Variants in FARP1 observed in about 807,000 individuals in gnomAD.
The protein encoded by FARP1 is FERM, ARHGEF and pleckstrin domain-containing protein 1.
FARP1 carries 52 observed loss-of-function variants against 128.8 expected under a neutral mutation model. The observed-to-expected ratio is 0.40, with a 90% confidence interval of 0.32 to 0.51. The LOEUF is 0.51. Among genes scored for constraint, FARP1 ranks in the 20% least tolerant of loss-of-function variants. FARP1 has a pLI of 0.45. For synonymous variants in FARP1, 580 were observed against 551.8 expected, an observed-to-expected ratio of 1.05 and a Z score of -0.72; for missense variants, 1,333 against 1,367.9, an observed-to-expected ratio of 0.97 and a Z score of 0.40.
intron 6 of FARP1, among the ~76,000 whole-genome samples, chr13:98,379,679 T>A (rs1224455394): frequency 1.3e-5 from 2 of 152,222 alleles, no homozygotes; most frequent in African/African-American, 4.8e-5. Context: ...GCATATAACC[T>A]ACATATATCC....
intron 2 of FARP1, among the ~76,000 whole-genome samples, chr13:98,285,728 C>A (rs145353315): frequency 7.2e-5 from 11 of 152,318 alleles, no homozygotes; most frequent in African/African-American, 2.6e-4. Context: ...CAACTGCTTC[C>A]GCTGTTATTA....
rs199918481 is a variant in FARP1 at position 98,217,239 on chromosome 13, TTTA to T, written c.171+3829_171+3831del. ...GACACAGCCATTTTTATTTTTTATT[TTTA>T]TTTTTATTTTTTGCTTCTTTTGAGC... On this transcript the variant is annotated intron_variant, in intron 2 of 26. Coordinates refer to ENST00000319562, the MANE Select transcript of FARP1 (RefSeq NM_005766.4). 6.6e-3 allele frequency among the ~76,000 whole-genome samples: 1,004 copies of T among 152,296 alleles called. 3 individuals are homozygous for T. The highest frequency in any genetic ancestry group is 0.023 in the African/African-American group (940 of 41,542).
intron 2 of FARP1, among the ~76,000 whole-genome samples, chr13:98,334,750 T>C (rs1887671432): frequency 6.6e-6 from 1 of 152,070 alleles, no homozygotes; most frequent in Admixed American, 6.5e-5. Context: ...CTAGTGACCT[T>C]AGGAGAAGAG....
At position 98,369,485 on chromosome 13, in the gene FARP1, A is replaced by G. The variant is rs541506607; in HGVS notation, c.398+1290A>G. 2.6e-5 allele frequency among the ~76,000 whole-genome samples: 4 copies of G among 151,402 alleles called. No homozygotes were observed. The East Asian group carries it at 7.8e-4, about 29-fold the overall frequency. On this transcript the variant is annotated intron_variant, in intron 5 of 26. Coordinates refer to ENST00000319562, the MANE Select transcript of FARP1 (RefSeq NM_005766.4). ...ACCCATTAACTCCTCATTTAGCATTAGGTATATCTCCTAATGCTATCCCTC... is the reference window on the plus strand; with the variant it reads ...ACCCATTAACTCCTCATTTAGCATTGGGTATATCTCCTAATGCTATCCCTC...
chr13:98,270,798 C>A (rs1884353158), intron 2 of FARP1, among the ~76,000 whole-genome samples: 1 of 152,160 alleles, frequency 6.6e-6, no homozygotes, highest in African/African-American at 2.4e-5. Flanking sequence ...GCATGTATAT[C>A]TTTTAATTTT....
chr13:98,200,013 G>A (rs1200016536), intron 1 of FARP1, among the ~76,000 whole-genome samples: 2 of 152,032 alleles, frequency 1.3e-5, no homozygotes, highest in Non-Finnish European at 2.9e-5. Context: ...ACACATTTTT[G>A]TCTTTGCATA....
At chr13:98,166,099 T>C (rs1877249138) in intron 1 of FARP1, among the ~76,000 whole-genome samples, 2 of 152,188 alleles carry the variant, frequency 1.3e-5, no homozygotes. Flanking sequence ...CTCTTCAGTT[T>C]AATACACTCC....
intron 5 of FARP1, among the ~76,000 whole-genome samples, chr13:98,374,426 A>T (rs1020004691): frequency 3.3e-5 from 5 of 152,172 alleles, no homozygotes; most frequent in African/African-American, 1.2e-4. Flanking sequence ...CTCTGTCTCA[A>T]TCAGTCAATT....
In FARP1 at chr13:98,393,736, C is replaced by G. The variant is rs368649328; in HGVS notation, c.1164+18C>G. 3.1e-6 allele frequency: 5 copies of G among 1,596,604 alleles called. No homozygotes were observed. The African/African-American group carries it at 6.7e-5, about 21-fold the overall frequency. ...TGGAGCAGGTCAGTGATGGCGCTGT[C>G]CTATGATAACTCTGCTTTTCCCCAC... On this transcript the variant is annotated intron_variant, in intron 12 of 26. Coordinates refer to ENST00000319562, the MANE Select transcript of FARP1 (RefSeq NM_005766.4).
At position 98,349,203 on chromosome 13, in the gene FARP1, G is replaced by T. The variant is rs148663641; in HGVS notation, c.276+5337G>T. ...TTCCTTGATTTTGCACTTCATCTGA[G>T]AAATGAGAGGAATAAATGACCATTT... On this transcript the variant is annotated intron_variant, in intron 3 of 26. Transcript: ENST00000319562. 1.8e-3 allele frequency among the ~76,000 whole-genome samples: 268 copies of T among 152,298 alleles called. 2 individuals carry two copies. The highest frequency in any genetic ancestry group is 6.1e-3 in the African/African-American group (252 of 41,558).
At chr13:98,385,334 A>G (rs377103126) in intron 7 of FARP1, among the ~76,000 whole-genome samples, 8 of 152,322 alleles carry the variant, frequency 5.3e-5, no homozygotes, top group African/African-American at 1.9e-4. Flanking sequence ...AGGTTATTGA[A>G]AGCAACTAAA....
At chr13:98,177,857 A>C (rs1878207805) in intron 1 of FARP1, 1 of 152,208 alleles carries the variant, frequency 6.6e-6, no homozygotes, top group Admixed American at 6.5e-5. Flanking sequence ...ATCCTAAAAC[A>C]CAGGCGCTTG....
chr13:98,227,313 G>C (rs1881853167), intron 2 of FARP1, among the ~76,000 whole-genome samples: 1 of 152,002 alleles, frequency 6.6e-6, no homozygotes. Context: ...AGTCCACGTT[G>C]AAAAAATGTC....
At chr13:98,278,991 A>ATTTTTTTTTTTTTTT (rs1159451553) in intron 2 of FARP1, among the ~76,000 whole-genome samples, 5 of 132,080 alleles carry the variant, frequency 3.8e-5, no homozygotes, top group African/African-American at 9.9e-5. Context: ...ACGCCCTGCT[A>ATTTTTTTTTTTTTTT]ATTTTTTTTT....
chr13:98,243,629 G>A (rs1204349180), intron 2 of FARP1, among the ~76,000 whole-genome samples: 4 of 150,414 alleles, frequency 2.7e-5, no homozygotes, highest in Non-Finnish European at 4.4e-5. Flanking sequence ...CCCAGGAGGC[G>A]GAGGTTGCAG....
chr13:98,158,358 C>G (rs1219267754), intron 1 of FARP1, among the ~76,000 whole-genome samples: 2 of 152,218 alleles, frequency 1.3e-5, no homozygotes, highest in African/African-American at 4.8e-5. Context: ...AAATCTGTCC[C>G]TACTCTACTA....
At chr13:98,314,988 G>A (rs1461157605) in intron 2 of FARP1, among the ~76,000 whole-genome samples, 1 of 152,226 alleles carries the variant, frequency 6.6e-6, no homozygotes, top group Non-Finnish European at 1.5e-5. Flanking sequence ...GTGGGCGAGA[G>A]AGAAGCTAAA....
At chr13:98,174,683 C>A (rs544641353) in intron 1 of FARP1, among the ~76,000 whole-genome samples, 173 of 152,154 alleles carry the variant, frequency 1.1e-3, no homozygotes, top group Non-Finnish European at 2.0e-3. Context: ...CTTGAACTGT[C>A]TGCCTTGTCG....
At chr13:98,313,818 C>T (rs559811926) in intron 2 of FARP1, among the ~76,000 whole-genome samples, 2 of 152,372 alleles carry the variant, frequency 1.3e-5, no homozygotes, top group South Asian at 4.1e-4. Flanking sequence ...GCCGCCTCCT[C>T]ATCTCGGCCC....
Sources: allele counts gnomAD v4.1 joint callset (sites outside exome capture counted in the v4.1 genomes callset), GRCh38; gene constraint gnomAD v4.1.1; transcripts MANE v1.5; gene names NCBI Gene and HGNC (gene_info 2026-07-23, HGNC 2026-07-21).